EVI2B: variants seen among roughly 807,000 people sequenced by gnomAD.
The protein encoded by EVI2B is protein EVI2B.
In EVI2B, 4 loss-of-function variants were observed where a neutral mutation model predicts 6.6. The ratio of observed to expected loss-of-function variants is 0.61; its 90% CI spans 0.30 to 1.39. The LOEUF is 1.39. Ranked by LOEUF, EVI2B falls within the 40% of genes most tolerant of loss-of-function variation. The probability of loss-of-function intolerance (pLI) is 0.08; values close to 1 mark genes in which losing one functional copy is unlikely to be tolerated. For synonymous variants in EVI2B, 181 were observed against 186.8 expected (o/e 0.97, Z 0.25); for missense variants, 484 against 516.6 (o/e 0.94, Z 0.61).
At chr17:31,313,415 T>C (rs553084122) in intron 1 of EVI2B, among the ~76,000 whole-genome samples, 2 of 152,172 alleles carry the variant, frequency 1.3e-5, no homozygotes, top group East Asian at 1.9e-4. Context: ...TTAACAAATA[T>C]GATTGTGGCT....
Position 31,304,966 on chromosome 17 carries a change from A to G in EVI2B, c.644T>C (p.Met215Thr). Residue 215 changes from methionine to threonine, a missense_variant, in exon 2 of 2, where the codon ATG becomes ACG. Transcript: ENST00000330927. Reference protein sequence around the residue: ...AILIGVLLTSMLVAIIIIVLW... With the variant: ...AILIGVLLTSTLVAIIIIVLW... ...TACAATGATGATTATAGCTACCAAC[A>G]TAGAAGTCAGAAGTACACCAATTAG... 6.2e-7 allele frequency: 1 copy of G among 1,614,170 alleles called. No individual in the cohort carries two copies. The highest frequency in any genetic ancestry group is 1.7e-5 in the Admixed American group (1 of 60,028).
intron 1 of EVI2B, among the ~76,000 whole-genome samples, chr17:31,308,421 A>T (rs568803081): frequency 6.6e-6 from 1 of 152,122 alleles, no homozygotes; most frequent in Non-Finnish European, 1.5e-5. Flanking sequence ...GATTACAGGC[A>T]TGAGCCACCA....
At position 31,304,145 on chromosome 17, in the gene EVI2B, G is replaced by C. The variant is rs1232195598; in HGVS notation, c.*118C>G. On this transcript the variant is annotated 3_prime_UTR_variant, in exon 2 of 2. Coordinates refer to ENST00000330927, the MANE Select transcript of EVI2B (RefSeq NM_006495.4). The stretch of plus-strand genomic sequence containing the variant: ...GCACATAGGCTCTGAGCAGATTTCA[G>C]ATAGTTCCTGAATAAAAATCAAAAT... The C allele has an allele frequency of 9.5e-7, 1 of 1,052,880 alleles. No individual in the cohort carries two copies. Among genetic ancestry groups the C allele is most frequent in the Non-Finnish European group, 1.4e-6 (1 of 734,066 alleles). The allele number at this position is 1,052,880 out of a possible 1,614,324, so 65.2% of individuals were successfully genotyped here.
Position 31,304,466 on chromosome 17 carries a change from G to T in EVI2B, c.1144C>A (p.Gln382Lys). The T allele has an allele frequency of 6.2e-7, 1 of 1,614,154 alleles. No individual in the cohort carries two copies. The highest frequency in any genetic ancestry group is 1.1e-5 in the South Asian group (1 of 91,068). ...SLPPSLDCLN[Q>K]DCGDHKSEII... The stretch of plus-strand genomic sequence containing the variant: ...TCAGATTTATGATCTCCACAGTCTT[G>T]ATTGAGACAGTCCAGAGATGGAGGG... Residue 382 changes from glutamine to lysine, a missense_variant, in exon 2 of 2, where the codon CAA becomes AAA. Gln to Lys is a moderately conservative substitution (Grantham distance 53, BLOSUM62 1). Transcript: ENST00000330927.
intron 1 of EVI2B, among the ~76,000 whole-genome samples, chr17:31,308,979 A>G (rs532995392): frequency 1.3e-5 from 2 of 152,340 alleles, no homozygotes; most frequent in South Asian, 4.1e-4. Flanking sequence ...TATCTAGAGC[A>G]TATTATGTGT....
In EVI2B at chr17:31,304,582, G is replaced by A. The variant is rs201006103; in HGVS notation, c.1028C>T (p.Pro343Leu). The A allele has an allele frequency of 2.3e-5, 37 of 1,614,144 alleles. No individual in the cohort carries two copies. Among genetic ancestry groups the A allele is most frequent in the Non-Finnish European group, 2.8e-5 (33 of 1,180,026 alleles). The stretch of plus-strand genomic sequence containing the variant: ...TTCCTGTCCTTCCAAATCCAGAAGG[G>A]GAGGTGGTGGAGGCAGATCTGCATC... ...SDDADLPPPPPLLDLEGQESN... is the reference protein window; with the variant it reads ...SDDADLPPPPLLLDLEGQESN... The change falls in exon 2 of 2, where the codon CCC becomes CTC. Residue 343 changes from proline (P) to leucine (L), a missense_variant. Transcript: ENST00000330927.
At position 31,305,562 on chromosome 17, in the gene EVI2B, G is replaced by T. The variant is rs200921973; in HGVS notation, c.48C>A (p.Asn16Lys). ...TCTCTGTCTTTGAAAAAAATGTATT[G>T]TTCAGGTGTCCACAAAACAAAATTA... ...FILILFCGHL[N>K]NTFFSKTETI... The change falls in exon 2 of 2, where the codon AAC (asparagine) becomes AAA (lysine). Residue 16 changes from asparagine to lysine, a missense_variant. By Grantham distance (94) the Asn-to-Lys change is moderately conservative (BLOSUM62 0). Coordinates refer to ENST00000330927, the MANE Select transcript of EVI2B (RefSeq NM_006495.4). 22 of 1,613,752 alleles carry T rather than the reference G, an allele frequency of 1.4e-5. No homozygotes were observed. The highest frequency in any genetic ancestry group is 1.6e-4 in the Middle Eastern group (1 of 6,080).
At chr17:31,307,427 A>T (rs891431049) in intron 1 of EVI2B, among the ~76,000 whole-genome samples, 1 of 152,354 alleles carries the variant, frequency 6.6e-6, no homozygotes. Flanking sequence ...ACTGAATTTT[A>T]AAAGTCTATA....
At chr17:31,310,672 T>C (rs2068849199) in intron 1 of EVI2B, among the ~76,000 whole-genome samples, 1 of 152,000 alleles carries the variant, frequency 6.6e-6, no homozygotes. Context: ...GAAGCATACC[T>C]AGCAATTATT....
At chr17:31,311,879 G>C (rs2068885809) in intron 1 of EVI2B, among the ~76,000 whole-genome samples, 1 of 152,314 alleles carries the variant, frequency 6.6e-6, no homozygotes, top group South Asian at 2.1e-4. Flanking sequence ...GAAGGAAGGA[G>C]ATGTGAGTTG....
Position 31,304,655 on chromosome 17 carries a change from C to G in EVI2B, c.955G>C (p.Asp319His). ...CCAACTGTTGAACCATCAGCACTAT[C>G]TTCTGATGTACCATTTACTTGATCT... ...IKDQVNGTSE[D>H]SADGSTVGTA... is the part of the protein sequence containing the mutation. The change falls in exon 2 of 2, where the codon GAT (aspartate) becomes CAT (histidine). Residue 319 changes from aspartate to histidine, a missense_variant. Physicochemically the swap from Asp to His is moderately conservative, Grantham distance 81. Coordinates refer to ENST00000330927, the MANE Select transcript of EVI2B (RefSeq NM_006495.4). 6.2e-7 allele frequency: 1 copy of G among 1,614,152 alleles called. No homozygotes were observed.
intron 1 of EVI2B, among the ~76,000 whole-genome samples, chr17:31,311,932 A>G (rs2068886860): frequency 6.6e-6 from 1 of 152,208 alleles, no homozygotes; most frequent in African/African-American, 2.4e-5. Flanking sequence ...AGTCTTAGAT[A>G]AAGGGTAGGA....
At position 31,304,344 on chromosome 17, in the gene EVI2B, C is replaced by T. The variant is rs1401349513; in HGVS notation, c.1266G>A (p.Gln422=). ...KNQEDSNLEI[Q]CQEFSIPPNS... ...TGGGAGGAATAGAGAACTCCTGACA[C>T]TGGATCTCAAGGTTGGAATCTTCTT... The change falls in exon 2 of 2, where the codon CAG becomes CAA. Residue 422 remains glutamine (Q), a synonymous_variant. Coordinates refer to ENST00000330927, the MANE Select transcript of EVI2B (RefSeq NM_006495.4). The T allele has an allele frequency of 6.8e-6, 11 of 1,613,988 alleles. 1 individual carries two copies. The highest frequency in any genetic ancestry group is 6.7e-5 in the Admixed American group (4 of 59,998).
At chr17:31,306,584 T>G (rs1767916419) in intron 1 of EVI2B, among the ~76,000 whole-genome samples, 2 of 152,152 alleles carry the variant, frequency 1.3e-5, no homozygotes, top group South Asian at 4.1e-4. Flanking sequence ...TGAAGCATCC[T>G]TAGTGTCTCT....
intron 1 of EVI2B, among the ~76,000 whole-genome samples, chr17:31,313,747 TG>T: frequency 6.7e-6 from 1 of 149,946 alleles, no homozygotes; most frequent in South Asian, 2.1e-4. Context: ...TGTGTGTGTG[TG>T]TGTGTGTGTG....
At chr17:31,309,583 C>T (rs1217181285) in intron 1 of EVI2B, among the ~76,000 whole-genome samples, 2 of 152,102 alleles carry the variant, frequency 1.3e-5, no homozygotes, top group East Asian at 1.9e-4. Context: ...TAATGCTATG[C>T]AAAGCATCAG....
chr17:31,304,043 ATACTT>A lies in EVI2B; in HGVS notation c.*215_*219del, dbSNP rs570522707. Reference sequence around the variant, plus strand: ...ACCATTTACATATGTAAAATGTACTATACTTTAAAGATAGGTACTATAATTAGTAA... The same window carrying A: ...ACCATTTACATATGTAAAATGTACTATAAAGATAGGTACTATAATTAGTAA... On this transcript the variant is annotated 3_prime_UTR_variant, in exon 2 of 2. Transcript: ENST00000330927. The A allele has an allele frequency of 9.7e-5, 42 of 433,516 alleles. 1 individual carries two copies. In the South Asian group the frequency reaches 1.6e-3, roughly 16 times the overall value. The allele number at this position is 433,516 out of a possible 1,614,324, so 26.9% of individuals were successfully genotyped here. A position where few individuals can be genotyped will look rare whatever the true frequency, so the allele number is the denominator to read the frequency against.
At chr17:31,313,562 C>G (rs973552086) in intron 1 of EVI2B, among the ~76,000 whole-genome samples, 2 of 151,814 alleles carry the variant, frequency 1.3e-5, no homozygotes, top group Non-Finnish European at 2.9e-5. Flanking sequence ...AAAAATTAGC[C>G]AGGCGTGGTG....
At position 31,313,722 on chromosome 17, in the gene EVI2B, ATG is replaced by A. The variant is rs60267436; in HGVS notation, c.-22+255_-22+256del. The stretch of plus-strand genomic sequence containing the variant: ...CTCTATCTCAAAAAAAAAAAAAAAT[ATG>A]TGTGTGTGTGTGTGTGTGTGTGTGT... On this transcript the variant is annotated intron_variant, in intron 1 of 1. Transcript: ENST00000330927. Among the ~76,000 whole-genome samples the A allele has an allele frequency of 8.9e-3, 1,241 of 138,954 alleles. 14 individuals carry two copies. The highest frequency in any genetic ancestry group is 0.026 in the African/African-American group (951 of 36,300). The allele number at this position is 138,954 out of a possible 152,430, so 91.2% of individuals were successfully genotyped here.
Sources: gnomAD v4.1 joint callset for allele counts (sites outside exome capture counted in the v4.1 genomes callset) on GRCh38, gnomAD v4.1.1 for gene constraint, MANE v1.5 for transcripts, NCBI Gene and HGNC (gene_info 2026-07-23, HGNC 2026-07-21) for gene names.